The following RAI1 variants were observed in gnomAD, a reference collection of about 807,000 sequenced individuals.
RAI1 encodes retinoic acid-induced protein 1.
In RAI1, 9 loss-of-function variants were observed where a neutral mutation model predicts 123.8. That is an observed-to-expected ratio of 0.07 (90% CI 0.04 to 0.13). RAI1 has a LOEUF of 0.13. RAI1 is among the 10% of genes least tolerant of loss of function. RAI1 has a pLI of 1.00. For missense variants in RAI1, 2,256 were observed against 2,545.8 expected, an observed-to-expected ratio of 0.89 and a Z score of 2.45; for synonymous variants, 1,231 against 1,127.3, an observed-to-expected ratio of 1.09 and a Z score of -1.84.
intron 4 of RAI1, among the ~76,000 whole-genome samples, chr17:17,805,305 C>T (rs73297834): frequency 0.013 from 2,039 of 152,230 alleles, 58 homozygotes; most frequent in African/African-American, 0.046. Context: ...ACTACCCACA[C>T]GGTGCTGCCT....
In RAI1 at chr17:17,712,186, G is replaced by A. The variant is rs1217547366; in HGVS notation, c.-148-11842G>A. ...AAACAGCCCAAATAGTCACTGAGCTGCAACTCTGTGCTAGGTGCCGGGGCT... is the reference window on the plus strand; with the variant it reads ...AAACAGCCCAAATAGTCACTGAGCTACAACTCTGTGCTAGGTGCCGGGGCT... On this transcript the variant is annotated intron_variant, in intron 1 of 5. Coordinates refer to ENST00000353383, the MANE Select transcript of RAI1 (RefSeq NM_030665.4). 5.9e-5 allele frequency among the ~76,000 whole-genome samples: 9 copies of A among 151,952 alleles called. No individual in the cohort carries two copies. The East Asian group carries it at 1.7e-3, about 29-fold the overall frequency.
At position 17,810,300 on chromosome 17, in the gene RAI1, CGGCGAGGGT is replaced by C; in HGVS notation, c.*322_*330del. On this transcript the variant is annotated 3_prime_UTR_variant, in exon 6 of 6. Coordinates refer to ENST00000353383, the MANE Select transcript of RAI1 (RefSeq NM_030665.4). This position sits in a 1 kb window ranked among gnomAD's most constrained non-coding sequence, Gnocchi z 4.6. ...CAGACTCCCCGGGGCGCTCAGCCTC[CGGCGAGGGT>C]GGGAGACGGCTTTGTCCTGGGGACA... 2.3e-6 allele frequency: 1 copy of C among 444,374 alleles called. No homozygotes were observed. Among genetic ancestry groups the C allele is most frequent in the Non-Finnish European group, 4.0e-6 (1 of 251,326 alleles). The allele number at this position is 444,374 out of a possible 1,614,324, so 27.5% of individuals were successfully genotyped here. A position where few individuals can be genotyped will look rare whatever the true frequency, so the allele number is the denominator to read the frequency against.
chr17:17,785,397 T>G (rs748749840), intron 2 of RAI1, among the ~76,000 whole-genome samples: 8 of 152,214 alleles, frequency 5.3e-5, no homozygotes, highest in Non-Finnish European at 1.2e-4. Flanking sequence ...TGAAGGGACA[T>G]CGACTCTGGG....
chr17:17,784,339 G>A (rs768287117), intron 2 of RAI1, among the ~76,000 whole-genome samples: 1 of 152,228 alleles, frequency 6.6e-6, no homozygotes, highest in Non-Finnish European at 1.5e-5. Context: ...TGGGGAAGGC[G>A]GAAGGCAGCG....
chr17:17,775,201 ATT>A (rs56152905), intron 2 of RAI1, among the ~76,000 whole-genome samples: 186 of 123,386 alleles, frequency 1.5e-3, no homozygotes, highest in African/African-American at 4.7e-3. Flanking sequence ...TTCATGTGTA[ATT>A]TTTTTTTTTT....
chr17:17,689,659 G>C (rs1914770335), intron 1 of RAI1, among the ~76,000 whole-genome samples: 1 of 152,218 alleles, frequency 6.6e-6, no homozygotes, highest in Admixed American at 6.5e-5. Context: ...CCTGGGTTCA[G>C]ATCCAGGGTC....
chr17:17,730,889 G>A (rs1916246843), intron 2 of RAI1, among the ~76,000 whole-genome samples: 1 of 152,234 alleles, frequency 6.6e-6, no homozygotes, highest in African/African-American at 2.4e-5. Context: ...TCACTCTTCT[G>A]TGGGTGTCCC....
chr17:17,783,061 T>C (rs2031659940), intron 2 of RAI1, among the ~76,000 whole-genome samples: 1 of 752 alleles, frequency 1.3e-3, no homozygotes, highest in African/African-American at 5.1e-3. Flanking sequence ...GGGAGATGAA[T>C]GATGGGGGCT....
At chr17:17,731,204 C>T (rs1916259338) in intron 2 of RAI1, among the ~76,000 whole-genome samples, 1 of 152,212 alleles carries the variant, frequency 6.6e-6, no homozygotes, top group South Asian at 2.1e-4. Context: ...TGCCTGGCGG[C>T]CAGGCCTGTC....
chr17:17,808,412 TTATTA>T (rs1567940354), intron 4 of RAI1, among the ~76,000 whole-genome samples: 1 of 50,962 alleles, frequency 2.0e-5, no homozygotes, highest in Non-Finnish European at 3.1e-5. Flanking sequence ...TTATTTTATT[TTATTA>T]TTTTATTTTA....
chr17:17,757,505 C>T (rs1427438903), intron 2 of RAI1, among the ~76,000 whole-genome samples: 1 of 152,192 alleles, frequency 6.6e-6, no homozygotes, highest in African/African-American at 2.4e-5. Context: ...CTTGCCTGCG[C>T]TCCACCTTCC....
Position 17,803,771 on chromosome 17 carries a change from C to A in RAI1, c.5581C>A (p.Gln1861Lys). ...TCTTCATCAGATGTGTTCCAGCTGC[C>A]AAGAAGCCGGGGCCACCATTGGGTG... ...VAVDMMCSSC[Q>K]EAGATIGCCH... The change falls in exon 4 of 6, where the codon CAA (glutamine) becomes AAA (lysine). Residue 1861 changes from glutamine to lysine, a missense_variant. By Grantham distance (53) the Gln-to-Lys change is moderately conservative. Around this residue, in one of 7 missense-constraint regions of RAI1, gnomAD observed 243 missense variants for 316.6 expected, o/e 0.77. Transcript: ENST00000353383. 2 of 1,613,466 alleles carry A rather than the reference C, an allele frequency of 1.2e-6. No homozygotes were observed. Among genetic ancestry groups the A allele is most frequent in the Non-Finnish European group, 1.7e-6 (2 of 1,179,930 alleles).
rs192523210 is a variant in RAI1 at position 17,683,827 on chromosome 17, C to T, written c.-149+2034C>T. The T allele has an allele frequency of 7.9e-4, 121 of 152,342 alleles. 1 individual carries two copies. Among genetic ancestry groups the T allele is most frequent in the African/African-American group, 2.7e-3 (114 of 41,576 alleles). 9.4% of individuals were successfully genotyped at this position (152,342 alleles called of 1,614,324 possible). A position where few individuals can be genotyped will look rare whatever the true frequency, so the allele number is the denominator to read the frequency against. On this transcript the variant is annotated intron_variant, in intron 1 of 5. Transcript: ENST00000353383. ...TCAGGGGTACTGGAGCTGCCTTTCT[C>T]TTCCACTAGACTGTGGGGCTCTCAT...
intron 2 of RAI1, among the ~76,000 whole-genome samples, chr17:17,782,746 C>G (rs1006007278): frequency 1.3e-5 from 2 of 151,902 alleles, no homozygotes; most frequent in Non-Finnish European, 2.9e-5. Context: ...GCCTGGGGCC[C>G]GGCGAGCCGG....
At chr17:17,805,790 A>G (rs114439815) in intron 4 of RAI1, among the ~76,000 whole-genome samples, 1,878 of 152,242 alleles carry the variant, frequency 0.012, 32 homozygotes, top group African/African-American at 0.041. Flanking sequence ...AGAGTTTAAC[A>G]TGGACCCTGC....
At chr17:17,731,632 G>A (rs952829301) in intron 2 of RAI1, among the ~76,000 whole-genome samples, 7 of 152,332 alleles carry the variant, frequency 4.6e-5, no homozygotes, top group African/African-American at 1.7e-4. Flanking sequence ...GAGGACCCAG[G>A]TGGGGCCTCA....
chr17:17,778,279 C>G (rs755177752), intron 2 of RAI1: 1 of 195,040 alleles, frequency 5.1e-6, no homozygotes, highest in African/African-American at 2.4e-5. Context: ...CCAGCTCTGT[C>G]GCAGACATAC....
chr17:17,793,325 C>T lies in RAI1; in HGVS notation c.377C>T (p.Pro126Leu). 1 of 1,612,520 alleles carries T rather than the reference C, an allele frequency of 6.2e-7. No homozygotes were observed. ...ESLQAWGAPQ[P>L]PPPQPQPLPA... ...CTTCAGGCTTGGGGGGCCCCACAGC[C>T]ACCACCCCCACAGCCGCAGCCACTA... is the stretch of plus-strand genomic sequence containing the variant. Residue 126 changes from proline (P) to leucine (L), a missense_variant, in exon 3 of 6, where the codon CCA becomes CTA. Transcript: ENST00000353383.
intron 2 of RAI1, among the ~76,000 whole-genome samples, chr17:17,771,898 C>T (rs2031172804): frequency 6.6e-6 from 1 of 152,256 alleles, no homozygotes; most frequent in African/African-American, 2.4e-5. Flanking sequence ...GAATGTCACA[C>T]TCTCTGTCCC....
Sources: gnomAD v4.1 joint callset for allele counts (sites outside exome capture counted in the v4.1 genomes callset) on GRCh38, gnomAD v4.1.1 for gene constraint, gnomAD v4.1.1 regional missense constraint, Gnocchi (gnomAD v3.1) non-coding constraint, MANE v1.5 for transcripts, NCBI Gene and HGNC (gene_info 2026-07-23, HGNC 2026-07-21) for gene names.